Variants in SHISA9 observed in about 807,000 individuals in gnomAD.
The protein encoded by SHISA9 is protein shisa-9.
In SHISA9, 13 loss-of-function variants were observed where a neutral mutation model predicts 38.0. That is an observed-to-expected ratio of 0.34 (90% CI 0.22 to 0.54). The LOEUF is 0.54. SHISA9 is among the 20% of genes least tolerant of loss of function. The pLI is 0.91. For missense variants in SHISA9, 538 were observed against 575.8 expected (o/e 0.93, Z 0.67); for synonymous variants, 275 against 242.0 (o/e 1.14, Z -1.27).
the SHISA9 span, among the ~76,000 whole-genome samples, chr16:13,405,722 G>C: frequency 3.3e-5 from 5 of 152,088 alleles, no homozygotes; most frequent in African/African-American, 1.2e-4. Context: ...AGAACATGTG[G>C]TATTTGGTTT....
the SHISA9 span, among the ~76,000 whole-genome samples, chr16:13,416,520 A>G: frequency 6.6e-6 from 1 of 152,102 alleles, no homozygotes; most frequent in African/African-American, 2.4e-5. Context: ...TTAGATTCAC[A>G]AGTTTATTCC....
intron 2 of SHISA9, among the ~76,000 whole-genome samples, chr16:12,952,431 C>A (rs575387618): frequency 2.3e-4 from 35 of 152,320 alleles, no homozygotes; most frequent in African/African-American, 8.2e-4. Context: ...TTGGGATAAT[C>A]TCCTCTGTCT....
chr16:13,447,723 C>G, the SHISA9 span, among the ~76,000 whole-genome samples: 1 of 152,202 alleles, frequency 6.6e-6, no homozygotes, highest in East Asian at 1.9e-4. Flanking sequence ...GACTCGGAGA[C>G]CATCAACTCG....
the SHISA9 span, among the ~76,000 whole-genome samples, chr16:13,291,175 A>G: frequency 6.6e-6 from 1 of 152,094 alleles, no homozygotes; most frequent in African/African-American, 2.4e-5. Flanking sequence ...GTGGTCTCAG[A>G]GAAGCATTTC....
chr16:12,902,421 C>A lies in SHISA9; in HGVS notation c.357C>A (p.Thr119=). 6.4e-7 allele frequency: 1 copy of A among 1,551,340 alleles called. No individual in the cohort carries two copies. The change falls in exon 1 of 5, where the codon ACC becomes ACA. Residue 119 remains threonine, a synonymous_variant. Coordinates refer to ENST00000558583, the MANE Select transcript of SHISA9 (RefSeq NM_001145204.3). ...AGAAGCGGCGACTGAACCAAAGCAC[C>A]TGCACCAACTACGACACGCCGCTCT... ...TFKKRRLNQS[T]CTNYDTPLWL...
chr16:13,476,738 G>GTT, the SHISA9 span, among the ~76,000 whole-genome samples: 2,709 of 65,164 alleles, frequency 0.042, 634 homozygotes, highest in African/African-American at 0.061. Context: ...CCTGTTTTGT[G>GTT]TTTTTTTTTT....
chr16:13,464,148 ACTTT>A, the SHISA9 span, among the ~76,000 whole-genome samples: 1 of 152,204 alleles, frequency 6.6e-6, no homozygotes, highest in Admixed American at 6.5e-5. Context: ...TAACTCTGTG[ACTTT>A]CTTTATAGAG....
In SHISA9 at chr16:12,908,815, G is replaced by A. The variant is rs2071141343; in HGVS notation, c.563+6188G>A. On this transcript the variant is annotated intron_variant, in intron 1 of 4. Coordinates refer to ENST00000558583, the MANE Select transcript of SHISA9 (RefSeq NM_001145204.3). ...GTGAGAAATGACCTTGGGGACAGAA[G>A]CACATATGTGAAGCTCTCTACACTT... The A allele has an allele frequency of 1.4e-5, 18 of 1,331,204 alleles. No individual in the cohort carries two copies. In the South Asian group the frequency reaches 2.9e-4, roughly 22 times the overall value. The allele number at this position is 1,331,204 out of a possible 1,614,324, so 82.5% of individuals were successfully genotyped here.
intron 2 of SHISA9, among the ~76,000 whole-genome samples, chr16:13,026,337 G>A (rs150580961): frequency 6.6e-6 from 1 of 152,298 alleles, no homozygotes; most frequent in Non-Finnish European, 1.5e-5. Flanking sequence ...TTGTCCCTTT[G>A]TGACTGATTT....
chr16:13,004,089 C>A lies in SHISA9; in HGVS notation c.691+87274C>A, dbSNP rs181483983. ...TAAGGGTGGAGGCATTTGGCAGATT[C>A]TTTGCACTCTGCTTTCCACCTGTTG... On this transcript the variant is annotated intron_variant, in intron 2 of 4. Transcript: ENST00000558583. Among the ~76,000 whole-genome samples the A allele has an allele frequency of 2.6e-5, 4 of 152,226 alleles. No homozygotes were observed. The East Asian group carries it at 5.8e-4, about 22-fold the overall frequency.
At chr16:13,479,893 T>A in the SHISA9 span, among the ~76,000 whole-genome samples, 1 of 152,236 alleles carries the variant, frequency 6.6e-6, no homozygotes, top group Non-Finnish European at 1.5e-5. Flanking sequence ...ATTTCCTATG[T>A]TCTTCTCAGA....
chr16:13,015,300 C>T (rs1189987606), intron 2 of SHISA9, among the ~76,000 whole-genome samples: 5 of 152,218 alleles, frequency 3.3e-5, no homozygotes, highest in African/African-American at 1.2e-4. Context: ...CTATCTGCCC[C>T]TTTCAGAAAA....
intron 2 of SHISA9, among the ~76,000 whole-genome samples, chr16:13,071,609 CCCTTCCTTCCCTCCCTCCCT>C (rs1225468987): frequency 7.0e-6 from 1 of 142,954 alleles, no homozygotes; most frequent in Admixed American, 6.9e-5. Context: ...TCCCTTTCTT[CCCTTCCTTCCCTCCCTCCCT>C]CCTTCCTTCC....
At chr16:13,325,982 G>A in the SHISA9 span, among the ~76,000 whole-genome samples, 14 of 150,458 alleles carry the variant, frequency 9.3e-5, no homozygotes, top group Admixed American at 7.9e-4. Flanking sequence ...ACGGGTCGAT[G>A]GGTGCAGCAA....
the SHISA9 span, among the ~76,000 whole-genome samples, chr16:13,489,670 C>T: frequency 6.6e-6 from 1 of 152,206 alleles, no homozygotes; most frequent in Non-Finnish European, 1.5e-5. Flanking sequence ...GAGACATCCC[C>T]AGCCATGTGG....
chr16:12,943,973 A>G (rs2071656530), intron 2 of SHISA9, among the ~76,000 whole-genome samples: 1 of 152,150 alleles, frequency 6.6e-6, no homozygotes, highest in African/African-American at 2.4e-5. Flanking sequence ...CACTATTGAT[A>G]TCTTGGGTCA....
the SHISA9 span, chr16:13,458,706 A>T: frequency 8.3e-6 from 2 of 240,022 alleles, no homozygotes; most frequent in Non-Finnish European, 1.7e-5. Context: ...TAAAAAAAAA[A>T]TTTATAAAAC....
chr16:13,292,356 C>T, the SHISA9 span, among the ~76,000 whole-genome samples: 1 of 152,010 alleles, frequency 6.6e-6, no homozygotes, highest in Non-Finnish European at 1.5e-5. Flanking sequence ...GTCCAGATTA[C>T]CAAGAAAGGC....
the SHISA9 span, among the ~76,000 whole-genome samples, chr16:13,518,125 G>A: frequency 2.6e-5 from 4 of 152,202 alleles, no homozygotes; most frequent in East Asian, 5.8e-4. Context: ...TCCCTCTGAC[G>A]CTGACCACTC....
Sources: gnomAD v4.1 joint callset for allele counts (sites outside exome capture counted in the v4.1 genomes callset) on GRCh38, gnomAD v4.1.1 for gene constraint, MANE v1.5 for transcripts, NCBI Gene and HGNC (gene_info 2026-07-23, HGNC 2026-07-21) for gene names.